The following CD3E variants were observed in gnomAD, a reference collection of about 807,000 sequenced individuals.
CD3E encodes CD3 epsilon subunit of T-cell receptor complex.
CD3E carries 16 observed loss-of-function variants against 34.7 expected under a neutral mutation model. That is an observed-to-expected ratio of 0.46 (90% CI 0.31 to 0.70). The LOEUF is 0.70. CD3E is among the 30% of genes least tolerant of loss of function. CD3E has a pLI of 0.05. For synonymous variants in CD3E, 70 were observed against 90.8 expected (o/e 0.77, Z 1.30); for missense variants, 223 against 253.9 (o/e 0.88, Z 0.83).
intron 3 of CD3E, among the ~76,000 whole-genome samples, chr11:118,307,647 C>T (rs1461464424): frequency 2.0e-5 from 3 of 152,188 alleles, no homozygotes; most frequent in Non-Finnish European, 4.4e-5. Flanking sequence ...CACAGGGTTA[C>T]TCTGGATAAG....
At chr11:118,312,433 T>C in intron 5 of CD3E, 185 bp from the exon 6 acceptor site, 1 of 759,386 alleles carries the variant, frequency 1.3e-6, no homozygotes, top group South Asian at 1.7e-5. Flanking sequence ...CAAGGTTCTC[T>C]AGTTCCCTTC....
intron 3 of CD3E, among the ~76,000 whole-genome samples, chr11:118,307,984 C>A (rs980740696): frequency 6.6e-6 from 1 of 152,188 alleles, no homozygotes; most frequent in Non-Finnish European, 1.5e-5. Context: ...GCCTGGCCAA[C>A]ATGGCGAAAC....
chr11:118,308,210 C>T (rs755035682), intron 3 of CD3E, among the ~76,000 whole-genome samples: 2 of 152,158 alleles, frequency 1.3e-5, no homozygotes, highest in Non-Finnish European at 2.9e-5. Context: ...TAGATTCCGC[C>T]ATGCTGCCTA....
intron 4 of CD3E, among the ~76,000 whole-genome samples, chr11:118,310,766 C>A (rs11216848): frequency 0.023 from 3,516 of 152,184 alleles, 58 homozygotes; most frequent in Admixed American, 0.059. Context: ...ATTTCTAGTT[C>A]ATTTAACATG....
In CD3E at chr11:118,304,786, T is replaced by C; in HGVS notation, c.-60+10T>C. On this transcript the variant is annotated intron_variant, in intron 1 of 8. Transcript: ENST00000361763. ...CCTGCTTCAGAAAATGGTGAGTCTC[T>C]CTCTTATAAAGCCCTCCTTTTTCAT... 1.3e-6 allele frequency: 1 copy of C among 742,806 alleles called. No individual in the cohort carries two copies. Among genetic ancestry groups the C allele is most frequent in the Non-Finnish European group, 2.5e-6 (1 of 405,830 alleles). The allele number at this position is 742,806 out of a possible 1,614,324, so 46.0% of individuals were successfully genotyped here.
In CD3E at chr11:118,304,877, T is replaced by G; in HGVS notation, c.-59-17T>G. 1 of 1,291,150 alleles carries G rather than the reference T, an allele frequency of 7.7e-7. No homozygotes were observed. Among genetic ancestry groups the G allele is most frequent in the Non-Finnish European group, 1.1e-6 (1 of 885,444 alleles). The allele number at this position is 1,291,150 out of a possible 1,614,324, so 80.0% of individuals were successfully genotyped here. On this transcript the variant is annotated splice_polypyrimidine_tract_variant and intron_variant, in intron 1 of 8. Transcript: ENST00000361763. The stretch of plus-strand genomic sequence containing the variant: ...GCAGATGTTTTGAAAAAGTCATCTG[T>G]TTTGCTTTTTTTCCAGAAGTAGTAA...
intron 4 of CD3E, among the ~76,000 whole-genome samples, chr11:118,309,427 T>C (rs180867949): frequency 4.9e-4 from 74 of 152,118 alleles, no homozygotes; most frequent in Non-Finnish European, 8.7e-4. Context: ...AATACAAAAA[T>C]TAGCCAGGCA....
intron 4 of CD3E, among the ~76,000 whole-genome samples, chr11:118,308,827 T>C (rs568888191): frequency 2.0e-5 from 3 of 152,252 alleles, no homozygotes; most frequent in African/African-American, 7.2e-5. Flanking sequence ...GCTAATTACC[T>C]CCCCTCAAGA....
chr11:118,314,948 T>TACAC (rs1333795193), intron 8 of CD3E, among the ~76,000 whole-genome samples: 1 of 110,064 alleles, frequency 9.1e-6, no homozygotes, highest in African/African-American at 3.7e-5. Flanking sequence ...AACCCACCCT[T>TACAC]ACACACACAC....
chr11:118,305,088 G>A, intron 2 of CD3E, 87 bp downstream of exon 2: 2 of 1,174,086 alleles, frequency 1.7e-6, no homozygotes, highest in South Asian at 1.2e-5. Context: ...GTGGCACCAA[G>A]GAGCCTCATT....
chr11:118,310,835 C>T (rs902663132), intron 4 of CD3E, among the ~76,000 whole-genome samples: 5 of 152,190 alleles, frequency 3.3e-5, no homozygotes, highest in African/African-American at 1.2e-4. Context: ...AAACTATCTA[C>T]TGTCCTTATA....
chr11:118,313,028 G>C, intron 6 of CD3E, 162 bp downstream of exon 6: 1 of 803,918 alleles, frequency 1.2e-6, no homozygotes, highest in East Asian at 2.5e-5. Flanking sequence ...CGGCATCAGT[G>C]TTTTCTGGAA....
At position 118,312,694 on chromosome 11, in the gene CD3E, A is replaced by G; in HGVS notation, c.180A>G (p.Gln60=). 1 of 1,614,194 alleles carries G rather than the reference A, an allele frequency of 6.2e-7. No individual in the cohort carries two copies. Residue 60 remains glutamine, a synonymous_variant, in exon 6 of 9, where the codon CAA becomes CAG. Transcript: ENST00000361763. ...PQYPGSEILW[Q]HNDKNIGGDE... ...ATCCTGGATCTGAAATACTATGGCAACACAATGATAAAAACATAGGCGGTG... is the reference window on the plus strand; with the variant it reads ...ATCCTGGATCTGAAATACTATGGCAGCACAATGATAAAAACATAGGCGGTG...
At chr11:118,306,400 T>G (rs55942271) in intron 2 of CD3E, among the ~76,000 whole-genome samples, 2 of 151,354 alleles carry the variant, frequency 1.3e-5, no homozygotes, top group African/African-American at 4.9e-5. Context: ...GAGGCTGAGG[T>G]GGAAGGATCA....
chr11:118,315,575 G>C lies in CD3E; in HGVS notation c.*33G>C. 1.3e-6 allele frequency: 2 copies of C among 1,578,978 alleles called. No individual in the cohort carries two copies. The highest frequency in any genetic ancestry group is 1.1e-5 in the South Asian group (1 of 87,648). On this transcript the variant is annotated 3_prime_UTR_variant, in exon 9 of 9. Coordinates refer to ENST00000361763, the MANE Select transcript of CD3E (RefSeq NM_000733.4). ...GAGAACACTGCCTCCCGCTGGCCCA[G>C]GTCTCCTCTCCAGTCCCCCTGCGAC...
chr11:118,314,537 C>T (rs1375739395), intron 8 of CD3E, 43 bp downstream of exon 8: 12 of 1,577,520 alleles, frequency 7.6e-6, no homozygotes, highest in Non-Finnish European at 1.0e-5. Flanking sequence ...GAGGGGATGT[C>T]CCTCCAGGGG....
chr11:118,313,883 G>C lies in CD3E; in HGVS notation c.520+9G>C. The C allele has an allele frequency of 6.2e-7, 1 of 1,612,356 alleles. No homozygotes were observed. Among genetic ancestry groups the C allele is most frequent in the Non-Finnish European group, 8.5e-7 (1 of 1,179,870 alleles). On this transcript the variant is annotated intron_variant, in intron 7 of 8. Transcript: ENST00000361763. ...TGGCGGCAGGCAAAGGGGTAAGGCT[G>C]TGGAGTCCAGTCAGAGGAGATTCCT... is the stretch of plus-strand genomic sequence containing the variant.
At position 118,315,952 on chromosome 11, in the gene CD3E, A is replaced by G. The variant is rs201143285; in HGVS notation, c.*410A>G. 215 of 309,938 alleles carry G rather than the reference A, an allele frequency of 6.9e-4. 2 individuals are homozygous for G. The highest frequency in any genetic ancestry group is 6.4e-3 in the South Asian group (212 of 33,150). The allele number at this position is 309,938 out of a possible 1,614,324, so 19.2% of individuals were successfully genotyped here. A position where few individuals can be genotyped will look rare whatever the true frequency, so the allele number is the denominator to read the frequency against. On this transcript the variant is annotated 3_prime_UTR_variant, in exon 9 of 9. Coordinates refer to ENST00000361763, the MANE Select transcript of CD3E (RefSeq NM_000733.4). ...TCCCCTTTTGCAGCCCTCTCTGGGG[A>G]TGGACTGGGTAAATGTTGACAGAGG...
At chr11:118,310,673 A>G (rs1948130894) in intron 4 of CD3E, among the ~76,000 whole-genome samples, 1 of 152,230 alleles carries the variant, frequency 6.6e-6, no homozygotes, top group Non-Finnish European at 1.5e-5. Context: ...ATTTGTGCCA[A>G]TAAAAGTTGT....
Sources: allele counts gnomAD v4.1 joint callset (sites outside exome capture counted in the v4.1 genomes callset), GRCh38; gene constraint gnomAD v4.1.1; transcripts MANE v1.5; gene names NCBI Gene and HGNC (gene_info 2026-07-23, HGNC 2026-07-21).